The following AVEN variants were observed in gnomAD, a reference collection of about 807,000 sequenced individuals.
AVEN encodes the protein apoptosis and caspase activation inhibitor, also known as cell death regulator Aven.
A neutral mutation model predicts 38.1 loss-of-function variants in AVEN; 41 were observed. The ratio of observed to expected loss-of-function variants is 1.08; its 90% confidence interval spans 0.84 to 1.40. The LOEUF is 1.40. Among genes scored for constraint, AVEN ranks in the 40% most tolerant of loss-of-function variants. The pLI is 0.00. For synonymous variants in AVEN, 206 were observed against 171.8 expected, an observed-to-expected ratio of 1.20 and a Z score of -1.56; for missense variants, 605 against 438.8, an observed-to-expected ratio of 1.38 and a Z score of -3.38.
chr15:33,855,503 C>T (rs1026831046), downstream of AVEN, among the ~76,000 whole-genome samples: 9 of 152,166 alleles, frequency 5.9e-5, no homozygotes, highest in Admixed American at 2.6e-4. Context: ...CGTGCCCGGC[C>T]GGAGATCTTT....
intron 2 of AVEN, among the ~76,000 whole-genome samples, chr15:33,914,884 T>C (rs1197908043): frequency 2.0e-5 from 3 of 152,132 alleles, no homozygotes; most frequent in Non-Finnish European, 4.4e-5. Flanking sequence ...AGGCACCTCA[T>C]GTGCAATGCT....
At chr15:33,864,197 ATTAAGAATCATATACCCGT>A, downstream of AVEN, 1 of 1,604,792 alleles carries the variant, frequency 6.2e-7, no homozygotes, top group Non-Finnish European at 8.5e-7. Flanking sequence ...CAGGTGAGAA[ATTAAGAATCATATACCCGT>A]GTTAGATCTC....
chr15:34,061,519 ATATT>A (rs1365355022), intron 5 of AVEN, among the ~76,000 whole-genome samples: 1 of 152,198 alleles, frequency 6.6e-6, no homozygotes, highest in Non-Finnish European at 1.5e-5. Flanking sequence ...TTGTATTTAA[ATATT>A]TATTTATTAG....
chr15:33,955,601 G>A (rs962986145), intron 2 of AVEN, among the ~76,000 whole-genome samples: 5 of 152,158 alleles, frequency 3.3e-5, no homozygotes, highest in Non-Finnish European at 1.5e-5. Flanking sequence ...TTAGAATTCT[G>A]AAAATAAAAT....
intron 2 of AVEN, among the ~76,000 whole-genome samples, chr15:33,895,356 C>T (rs1157161844): frequency 1.3e-5 from 2 of 151,268 alleles, no homozygotes; most frequent in Non-Finnish European, 2.9e-5. Flanking sequence ...GACAGGGCCC[C>T]ACTCTATTAC....
intron 2 of AVEN, among the ~76,000 whole-genome samples, chr15:33,999,890 T>G (rs920777624): frequency 6.6e-6 from 1 of 152,242 alleles, no homozygotes; most frequent in South Asian, 2.1e-4. Context: ...CCTCCGCTGG[T>G]TTTTCATCTC....
intron 11 of AVEN, chr15:33,859,466 CG>C: frequency 8.1e-7 from 1 of 1,235,022 alleles, no homozygotes; most frequent in Non-Finnish European, 1.2e-6. Context: ...GTTCCCCTCT[CG>C]TGGCTTAGGG....
At chr15:33,923,915 C>T (rs1178424754) in intron 2 of AVEN, among the ~76,000 whole-genome samples, 1 of 151,198 alleles carries the variant, frequency 6.6e-6, no homozygotes, top group African/African-American at 2.4e-5. Flanking sequence ...TCCCATCACC[C>T]CCAGGTGTGA....
downstream of AVEN, chr15:33,854,249 G>T: frequency 1.5e-6 from 1 of 669,880 alleles, no homozygotes. Context: ...TGTCTCATGG[G>T]GAGCACATAC....
rs185556011 is a variant in AVEN at position 33,890,317 on chromosome 15, T to C, written c.446-14322A>G. Among the ~76,000 whole-genome samples, 59 of 152,306 alleles carry C rather than the reference T, an allele frequency of 3.9e-4. No individual in the cohort carries two copies. In the East Asian group the frequency reaches 9.3e-3, roughly 24 times the overall value. On this transcript the variant is annotated intron_variant, in intron 2 of 5. Coordinates refer to ENST00000306730, the MANE Select transcript of AVEN (RefSeq NM_020371.3). ...CAGAGCCCAGTTTTTATTACTACTC[T>C]TGTGACTGGTGCGGTGCCTGGCACA...
chr15:33,875,685 G>C lies in AVEN; in HGVS notation c.516+240C>G, dbSNP rs532833718. 2.6e-4 allele frequency among the ~76,000 whole-genome samples: 40 copies of C among 152,242 alleles called. 1 individual carries two copies. In the South Asian group the frequency reaches 8.1e-3, roughly 31 times the overall value. On this transcript the variant is annotated intron_variant, in intron 3 of 5. Coordinates refer to ENST00000306730, the MANE Select transcript of AVEN (RefSeq NM_020371.3). ...ATCACGGCTATCAAGTTTCTACCTC[G>C]AGACCCCGTCCATGTGGGCTGCATA... is the stretch of plus-strand genomic sequence containing the variant.
chr15:33,855,421 C>T (rs2079550367), downstream of AVEN, among the ~76,000 whole-genome samples: 1 of 152,202 alleles, frequency 6.6e-6, no homozygotes, highest in Admixed American at 6.5e-5. Context: ...CCAGGCTGGT[C>T]TCAAACGCCT....
chr15:34,041,281 C>A (rs1354840281), upstream of AVEN, among the ~76,000 whole-genome samples: 2 of 152,168 alleles, frequency 1.3e-5, no homozygotes, highest in East Asian at 3.8e-4. Flanking sequence ...ATGAGAACCA[C>A]TAGCACAGAT....
intron 2 of AVEN, among the ~76,000 whole-genome samples, chr15:33,947,386 A>G (rs1208501820): frequency 6.6e-6 from 1 of 152,236 alleles, no homozygotes; most frequent in Non-Finnish European, 1.5e-5. Context: ...TAGGAAAAGT[A>G]AAAAACCATC....
At chr15:33,973,461 C>T (rs1270369995) in intron 2 of AVEN, among the ~76,000 whole-genome samples, 1 of 152,180 alleles carries the variant, frequency 6.6e-6, no homozygotes, top group East Asian at 1.9e-4. Flanking sequence ...TTCTGGGTAA[C>T]TTCTGGTAAT....
At chr15:34,061,091 C>G (rs991607582) in intron 5 of AVEN, among the ~76,000 whole-genome samples, 4 of 150,924 alleles carry the variant, frequency 2.7e-5, no homozygotes, top group Non-Finnish European at 5.9e-5. Flanking sequence ...TATATATCAT[C>G]AAATTTATGT....
chr15:34,032,022 C>T (rs375515989), intron 1 of AVEN, among the ~76,000 whole-genome samples: 64 of 118,216 alleles, frequency 5.4e-4, no homozygotes, highest in Middle Eastern at 3.9e-3. Flanking sequence ...CGCGCGCACA[C>T]GCACACACAC....
downstream of AVEN, among the ~76,000 whole-genome samples, chr15:33,855,394 G>A (rs1181573643): frequency 1.3e-5 from 2 of 152,168 alleles, no homozygotes; most frequent in African/African-American, 2.4e-5. Context: ...AGTAGAGACG[G>A]GGTTTCACCA....
At chr15:33,975,917 G>A (rs1895864643) in intron 2 of AVEN, among the ~76,000 whole-genome samples, 1 of 152,092 alleles carries the variant, frequency 6.6e-6, no homozygotes, top group South Asian at 2.1e-4. Context: ...GTGACAGAGT[G>A]ACTATGTCTC....
Sources: allele counts gnomAD v4.1 joint callset (sites outside exome capture counted in the v4.1 genomes callset), GRCh38; gene constraint gnomAD v4.1.1; transcripts MANE v1.5; gene names NCBI Gene and HGNC (gene_info 2026-07-23, HGNC 2026-07-21).